SHISA6: variants seen among roughly 807,000 people sequenced by gnomAD.
SHISA6 encodes the protein shisa family member 6, also known as protein shisa-6.
SHISA6 carries 22 observed loss-of-function variants against 47.9 expected under a neutral mutation model. The observed-to-expected ratio is 0.46, with a 90% CI of 0.33 to 0.66. SHISA6 has a LOEUF of 0.66. Ranked by LOEUF, SHISA6 falls within the 30% of genes least tolerant of loss-of-function variation. SHISA6 has a pLI of 0.02. For synonymous variants in SHISA6, 388 were observed against 337.8 expected (o/e 1.15, Z -1.63); for missense variants, 680 against 764.6 (o/e 0.89, Z 1.30).
At chr17:11,309,942 C>A (rs1387966858) in intron 2 of SHISA6, among the ~76,000 whole-genome samples, 2 of 152,246 alleles carry the variant, frequency 1.3e-5, no homozygotes, top group Admixed American at 6.5e-5. Flanking sequence ...CAAAGCTGAA[C>A]TGCAGCATGA....
intron 3 of SHISA6, among the ~76,000 whole-genome samples, chr17:11,499,068 C>T (rs1036382037): frequency 5.9e-5 from 9 of 152,188 alleles, no homozygotes; most frequent in South Asian, 2.1e-4. Flanking sequence ...GCTGCACCCT[C>T]AGCACGTGGA....
chr17:11,253,484 A>G (rs537382928), intron 1 of SHISA6, among the ~76,000 whole-genome samples: 2 of 152,286 alleles, frequency 1.3e-5, no homozygotes, highest in Admixed American at 1.3e-4. Flanking sequence ...TTATCTATTC[A>G]TTGAAGTAGC....
chr17:11,396,225 G>A (rs1020172472), intron 3 of SHISA6, among the ~76,000 whole-genome samples: 1 of 152,012 alleles, frequency 6.6e-6, no homozygotes, highest in Non-Finnish European at 1.5e-5. Flanking sequence ...TTGCAGTCTT[G>A]GAATAAATCC....
At chr17:11,407,017 A>G (rs1913986293) in intron 3 of SHISA6, among the ~76,000 whole-genome samples, 1 of 152,212 alleles carries the variant, frequency 6.6e-6, no homozygotes, top group Admixed American at 6.5e-5. Context: ...TAGCCAATCT[A>G]AATAGCATTA....
chr17:11,254,409 G>A (rs1290397239), intron 1 of SHISA6, among the ~76,000 whole-genome samples: 2 of 152,222 alleles, frequency 1.3e-5, no homozygotes, highest in African/African-American at 4.8e-5. Context: ...CTGGGATGTG[G>A]GAGGAGATGT....
chr17:11,512,372 T>G (rs956532893), intron 3 of SHISA6, among the ~76,000 whole-genome samples: 7 of 152,212 alleles, frequency 4.6e-5, no homozygotes, highest in African/African-American at 7.2e-5. Flanking sequence ...TAGTTACTGT[T>G]AATTAATCTG....
intron 1 of SHISA6, among the ~76,000 whole-genome samples, chr17:11,262,007 A>G (rs888876081): frequency 2.6e-5 from 4 of 152,142 alleles, no homozygotes; most frequent in Admixed American, 1.3e-4. Context: ...GGTTATAGCT[A>G]TCCTAGTGTG....
intron 3 of SHISA6, among the ~76,000 whole-genome samples, chr17:11,474,157 G>A (rs865904218): frequency 1.6e-4 from 25 of 151,984 alleles, no homozygotes; most frequent in Admixed American, 9.8e-4. Flanking sequence ...CACAATGGTT[G>A]AATTAATTTA....
intron 3 of SHISA6, among the ~76,000 whole-genome samples, chr17:11,447,714 T>C (rs1915272718): frequency 6.6e-6 from 1 of 152,252 alleles, no homozygotes; most frequent in African/African-American, 2.4e-5. Flanking sequence ...AGCTGCCTCA[T>C]TAAAGCCTTC....
chr17:11,393,200 G>A (rs1913447211), intron 3 of SHISA6, among the ~76,000 whole-genome samples: 1 of 152,156 alleles, frequency 6.6e-6, no homozygotes. Context: ...CCCCACCTTG[G>A]TAAATGGCTC....
intron 3 of SHISA6, among the ~76,000 whole-genome samples, chr17:11,498,430 G>A (rs1392506247): frequency 6.6e-6 from 1 of 152,158 alleles, no homozygotes; most frequent in African/African-American, 2.4e-5. Context: ...TTACATCGAA[G>A]GAATATGAAC....
intron 3 of SHISA6, among the ~76,000 whole-genome samples, chr17:11,526,452 C>T (rs1279944586): frequency 1.3e-5 from 2 of 152,166 alleles, no homozygotes; most frequent in African/African-American, 4.8e-5. Flanking sequence ...CTGCTCCACA[C>T]GTGTACAGGT....
chr17:11,304,991 T>C (rs1468854412), intron 2 of SHISA6, among the ~76,000 whole-genome samples: 1 of 152,206 alleles, frequency 6.6e-6, no homozygotes, highest in Admixed American at 6.5e-5. Flanking sequence ...GATTTTTATG[T>C]GGTTCAAAGA....
chr17:11,273,393 G>A (rs1908754809), intron 2 of SHISA6, among the ~76,000 whole-genome samples: 1 of 152,208 alleles, frequency 6.6e-6, no homozygotes, highest in Non-Finnish European at 1.5e-5. Context: ...CACCAGAGGA[G>A]GCCACTGCTT....
chr17:11,304,007 C>T (rs1910018907), intron 2 of SHISA6, among the ~76,000 whole-genome samples: 1 of 152,164 alleles, frequency 6.6e-6, no homozygotes, highest in Non-Finnish European at 1.5e-5. Context: ...ATGTGAGGAT[C>T]CCCAGGCCTC....
chr17:11,255,598 G>C (rs1040085144), intron 1 of SHISA6, among the ~76,000 whole-genome samples: 3 of 152,170 alleles, frequency 2.0e-5, no homozygotes, highest in African/African-American at 7.2e-5. Context: ...TTTGCCTTTG[G>C]CTGTCAAAGT....
rs758382171 is a variant in SHISA6 at position 11,562,508 on chromosome 17, A to G, written c.*4204A>G. ...TATTTTTTATAAATGCAGCATTTTA[A>G]TGGCAGATTCAATATGAAGGACATG... On this transcript the variant is annotated 3_prime_UTR_variant, in exon 6 of 6. Coordinates refer to ENST00000441885, the MANE Select transcript of SHISA6 (RefSeq NM_207386.4). 2.0e-5 allele frequency: 3 copies of G among 152,138 alleles called. No homozygotes were observed. The highest frequency in any genetic ancestry group is 2.9e-5 in the Non-Finnish European group (2 of 68,028). The allele number at this position is 152,138 out of a possible 1,614,324, so 9.4% of individuals were successfully genotyped here.
At chr17:11,503,281 C>T (rs2071470542) in intron 3 of SHISA6, among the ~76,000 whole-genome samples, 1 of 152,006 alleles carries the variant, frequency 6.6e-6, no homozygotes, top group Admixed American at 6.6e-5. Flanking sequence ...AGGTGACGTC[C>T]TTTGCCTATT....
intron 3 of SHISA6, among the ~76,000 whole-genome samples, chr17:11,537,128 C>T (rs1344816788): frequency 6.7e-6 from 1 of 149,296 alleles, no homozygotes; most frequent in Admixed American, 6.7e-5. Flanking sequence ...AAATGAACAT[C>T]CTTGCCAGAA....
Sources: allele counts gnomAD v4.1 joint callset (sites outside exome capture counted in the v4.1 genomes callset), GRCh38; gene constraint gnomAD v4.1.1; transcripts MANE v1.5; gene names NCBI Gene and HGNC (gene_info 2026-07-23, HGNC 2026-07-21).